Variants in ARHGAP8 observed in about 807,000 individuals in gnomAD.
The protein encoded by ARHGAP8 is rho GTPase-activating protein 8.
In ARHGAP8, 62 loss-of-function variants were observed where a neutral mutation model predicts 46.1. The observed-to-expected ratio is 1.34, with a 90% CI of 1.10 to 1.66. ARHGAP8 has a LOEUF of 1.66. Ranked by LOEUF, ARHGAP8 falls within the 40% of genes most tolerant of loss-of-function variation. The pLI, the probability that ARHGAP8 is intolerant of heterozygous loss-of-function variation, is 0.00. For synonymous variants in ARHGAP8, 375 were observed against 243.1 expected (o/e 1.54, Z -5.05); for missense variants, 923 against 568.4 (o/e 1.62, Z -6.34).
chr22:44,862,737 C>T lies in ARHGAP8; in HGVS notation c.*142C>T, dbSNP rs920962070. 5 of 994,346 alleles carry T rather than the reference C, an allele frequency of 5.0e-6. No individual in the cohort carries two copies. The highest frequency in any genetic ancestry group is 7.0e-6 in the Non-Finnish European group (5 of 710,594). The allele number at this position is 994,346 out of a possible 1,614,324, so 61.6% of individuals were successfully genotyped here. ...TAATGAAAACTCCATGCCTCTGGTC[C>T]TTGGACTCTTGTCCATGGTTCCTGA... On this transcript the variant is annotated 3_prime_UTR_variant, in exon 12 of 12. Coordinates refer to ENST00000356099, the MANE Select transcript of ARHGAP8 (RefSeq NM_181335.3).
intron 7 of ARHGAP8, among the ~76,000 whole-genome samples, chr22:44,831,813 C>T (rs911603463): frequency 6.6e-6 from 1 of 152,180 alleles, no homozygotes; most frequent in African/African-American, 2.4e-5. Context: ...GCCTATTGGT[C>T]TATATGTTTA....
At chr22:44,783,436 C>T (rs1248969659) in intron 1 of ARHGAP8, among the ~76,000 whole-genome samples, 1 of 152,194 alleles carries the variant, frequency 6.6e-6, no homozygotes, top group Non-Finnish European at 1.5e-5. Flanking sequence ...CCCCACAGGC[C>T]TCCTGCTCCC....
chr22:44,862,001 G>A (rs2070511792), intron 11 of ARHGAP8, among the ~76,000 whole-genome samples: 1 of 152,240 alleles, frequency 6.6e-6, no homozygotes, highest in African/African-American at 2.4e-5. Flanking sequence ...AGAAGGTGCA[G>A]TGGAAGAGGA....
chr22:44,838,994 G>A (rs1931472567), intron 7 of ARHGAP8, among the ~76,000 whole-genome samples: 1 of 152,214 alleles, frequency 6.6e-6, no homozygotes, highest in Admixed American at 6.5e-5. Flanking sequence ...GAGAGGATAA[G>A]GAAACTGGCC....
At chr22:44,753,668 A>C (rs1369366079) in intron 1 of ARHGAP8, among the ~76,000 whole-genome samples, 1 of 152,048 alleles carries the variant, frequency 6.6e-6, no homozygotes, top group Non-Finnish European at 1.5e-5. Context: ...CTGACTTGGA[A>C]ATTTCTCCGC....
intron 2 of ARHGAP8, among the ~76,000 whole-genome samples, chr22:44,801,540 A>T (rs976512313): frequency 3.4e-4 from 52 of 152,064 alleles, no homozygotes; most frequent in African/African-American, 1.1e-3. Flanking sequence ...AGGGGCACAG[A>T]TGTGTCAAGA....
chr22:44,772,238 T>TCAA (rs1926073497), intron 1 of ARHGAP8, among the ~76,000 whole-genome samples: 1 of 121,930 alleles, frequency 8.2e-6, no homozygotes, highest in African/African-American at 4.2e-5. Flanking sequence ...TTTTTTTTTT[T>TCAA]TTTTTTTTTT....
chr22:44,814,995 C>A (rs543572273), intron 5 of ARHGAP8, among the ~76,000 whole-genome samples: 40 of 152,108 alleles, frequency 2.6e-4, no homozygotes, highest in Non-Finnish European at 4.7e-4. Context: ...TGTTTAAAAG[C>A]CCCCCTTTGC....
Position 44,862,468 on chromosome 22 carries a change from T to A in ARHGAP8, c.1175T>A (p.Leu392Gln). The A allele has an allele frequency of 6.2e-7, 1 of 1,613,988 alleles. No homozygotes were observed. The highest frequency in any genetic ancestry group is 2.2e-5 in the East Asian group (1 of 44,866). The change falls in exon 12 of 12, where the codon CTG (leucine) becomes CAG (glutamine). Residue 392 changes from leucine to glutamine, a missense_variant. Transcript: ENST00000356099. ...STPEAPGEHG[L>Q]APWEQGSRAA... ...CCGGAGGCACCTGGGGAGCACGGCC[T>A]GGCACCATGGGAACAGGGGAGCAGG...
chr22:44,814,552 TC>T, intron 4 of ARHGAP8, 119 bp from the exon 5 acceptor site: 1 of 806,982 alleles, frequency 1.2e-6, no homozygotes, highest in South Asian at 1.8e-5. Context: ...CTTAAATTGA[TC>T]CTGTTGAGAG....
At chr22:44,821,858 G>A (rs2147116028) in intron 5 of ARHGAP8, among the ~76,000 whole-genome samples, 1 of 152,256 alleles carries the variant, frequency 6.6e-6, no homozygotes, top group South Asian at 2.1e-4. Context: ...CTGCTCCCTG[G>A]GGTCCGAGAG....
Position 44,814,675 on chromosome 22 carries a change from CAAG to C in ARHGAP8, c.309_311del (p.Lys103del), listed in dbSNP as rs764797537. 6.8e-5 allele frequency: 109 copies of C among 1,613,684 alleles called. No individual in the cohort carries two copies. The highest frequency in any genetic ancestry group is 8.9e-5 in the Non-Finnish European group (105 of 1,179,888). The stretch of plus-strand genomic sequence containing the variant: ...CATCCCCCGTTTCCCTCCTCAGGTA[CAAG>C]AAGAACTTGAAGGCCCTCTACGTGG... On this transcript the variant is annotated inframe_deletion, in exon 5 of 12. Transcript: ENST00000356099.
At chr22:44,815,448 G>A (rs920850934) in intron 5 of ARHGAP8, among the ~76,000 whole-genome samples, 8 of 151,426 alleles carry the variant, frequency 5.3e-5, no homozygotes, top group Admixed American at 5.2e-4. Context: ...ACTCTGTGGT[G>A]TTGGCCCAAG....
chr22:44,775,971 C>A (rs1365007005), intron 1 of ARHGAP8, among the ~76,000 whole-genome samples: 1 of 152,172 alleles, frequency 6.6e-6, no homozygotes, highest in Non-Finnish European at 1.5e-5. Context: ...AAACCAGTAG[C>A]CTTCCTGATT....
At chr22:44,828,348 C>A (rs1344318809) in intron 7 of ARHGAP8, among the ~76,000 whole-genome samples, 1 of 152,108 alleles carries the variant, frequency 6.6e-6, no homozygotes, top group Non-Finnish European at 1.5e-5. Flanking sequence ...GGGGCAGGCA[C>A]CTGCAGTGAC....
intron 5 of ARHGAP8, among the ~76,000 whole-genome samples, chr22:44,816,528 T>G (rs1222164433): frequency 6.6e-6 from 1 of 152,144 alleles, no homozygotes; most frequent in Non-Finnish European, 1.5e-5. Flanking sequence ...AGAGCTACTC[T>G]GCAGCCAGAC....
chr22:44,761,502 A>G (rs990615260), intron 1 of ARHGAP8, among the ~76,000 whole-genome samples: 1 of 152,244 alleles, frequency 6.6e-6, no homozygotes, highest in South Asian at 2.1e-4. Context: ...ACAGAAGGAT[A>G]TGCATAAGTT....
At chr22:44,846,805 A>G (rs2069968041) in intron 8 of ARHGAP8, among the ~76,000 whole-genome samples, 1 of 150,420 alleles carries the variant, frequency 6.6e-6, no homozygotes. Flanking sequence ...AGCAGCAGCT[A>G]TTCCACCGAG....
intron 5 of ARHGAP8, among the ~76,000 whole-genome samples, chr22:44,817,380 C>T (rs537432876): frequency 2.6e-5 from 4 of 152,364 alleles, no homozygotes; most frequent in Non-Finnish European, 5.9e-5. Flanking sequence ...CTGGCCTATG[C>T]CGCACACATT....
Sources: gnomAD v4.1 joint callset for allele counts (sites outside exome capture counted in the v4.1 genomes callset) on GRCh38, gnomAD v4.1.1 for gene constraint, MANE v1.5 for transcripts, NCBI Gene and HGNC (gene_info 2026-07-23, HGNC 2026-07-21) for gene names.